The following STYX variants were observed in gnomAD, a reference collection of about 807,000 sequenced individuals.
STYX encodes the protein serine/threonine/tyrosine-interacting protein.
STYX carries 20 observed loss-of-function variants against 42.7 expected under a neutral mutation model. That is an observed-to-expected ratio of 0.47 (90% CI 0.33 to 0.68). STYX has a LOEUF of 0.68. STYX is among the 30% of genes least tolerant of loss of function. The probability of loss-of-function intolerance (pLI) is 0.02; values close to 1 mark genes in which losing one functional copy is unlikely to be tolerated. For synonymous variants in STYX, 78 were observed against 81.9 expected (o/e 0.95, Z 0.26); for missense variants, 226 against 268.5 (o/e 0.84, Z 1.11).
Position 52,735,055 on chromosome 14 carries a change from T to C in STYX, c.57+4524T>C, listed in dbSNP as rs111712435. ...CTGGGAGACAGAGCGAGACTCCATC[T>C]CAAAAAAAAAAAAAGTAATTAAATC... On this transcript the variant is annotated intron_variant, in intron 1 of 10. Coordinates refer to ENST00000354586, the MANE Select transcript of STYX (RefSeq NM_145251.4). 4.2e-3 allele frequency among the ~76,000 whole-genome samples: 595 copies of C among 143,340 alleles called. 4 individuals carry two copies. The highest frequency in any genetic ancestry group is 0.015 in the African/African-American group (568 of 38,230). The allele number at this position is 143,340 out of a possible 152,430, so 94.0% of individuals were successfully genotyped here.
At position 52,746,406 on chromosome 14, in the gene STYX, T is replaced by C. The variant is rs776590464; in HGVS notation, c.91-20T>C. On this transcript the variant is annotated intron_variant, in intron 2 of 10. Transcript: ENST00000354586. ...ATTTAAATTGCTGATGGTAAATACC[T>C]CAAATTTTTTTTTTTCTAGGAAATT... 6.4e-7 allele frequency: 1 copy of C among 1,550,912 alleles called. No individual in the cohort carries two copies. Among genetic ancestry groups the C allele is most frequent in the East Asian group, 2.4e-5 (1 of 40,970 alleles).
intron 4 of STYX, among the ~76,000 whole-genome samples, chr14:52,754,216 C>G (rs771073900): frequency 3.4e-4 from 49 of 146,264 alleles, no homozygotes; most frequent in Non-Finnish European, 5.1e-4. Flanking sequence ...GAAAGAAATA[C>G]TTTTTTTTTT....
chr14:52,747,691 T>C (rs1351718082), intron 3 of STYX, among the ~76,000 whole-genome samples: 1 of 152,250 alleles, frequency 6.6e-6, no homozygotes, highest in Non-Finnish European at 1.5e-5. Flanking sequence ...TTTATAAATA[T>C]ACATACAGTA....
chr14:52,730,670 G>C, intron 1 of STYX, 139 bp downstream of exon 1: 1 of 913,302 alleles, frequency 1.1e-6, no homozygotes, highest in Non-Finnish European at 1.6e-6. Flanking sequence ...CTCTGAAGCC[G>C]AGCGGTCGGC....
intron 9 of STYX, among the ~76,000 whole-genome samples, chr14:52,764,313 C>A (rs2139931809): frequency 6.6e-6 from 1 of 152,166 alleles, no homozygotes; most frequent in African/African-American, 2.4e-5. Context: ...TTTTACCTTG[C>A]AGTTAACCTC....
intron 3 of STYX, among the ~76,000 whole-genome samples, chr14:52,747,250 C>T (rs1045057713): frequency 6.6e-6 from 1 of 152,182 alleles, no homozygotes; most frequent in African/African-American, 2.4e-5. Flanking sequence ...CTAAAAGATT[C>T]AATGCTACTA....
intron 3 of STYX, among the ~76,000 whole-genome samples, chr14:52,748,038 C>T (rs1881461667): frequency 2.0e-5 from 3 of 152,154 alleles, no homozygotes; most frequent in African/African-American, 7.2e-5. Flanking sequence ...TTCTTCAAAA[C>T]TTCTTTTCTT....
rs1594883622 is a variant in STYX, at chr14:52,767,123, T to C, written c.505-1717T>C. Among the ~76,000 whole-genome samples, 4 of 152,294 alleles carry C rather than the reference T, an allele frequency of 2.6e-5. No homozygotes were observed. In the South Asian group the frequency reaches 8.3e-4, roughly 32 times the overall value. On this transcript the variant is annotated intron_variant, in intron 9 of 10. Transcript: ENST00000354586. ...TTTAGAAGGGTGGTCAGAAATGGGC[T>C]TACTGAAAAGTGATATTTGAGCAAA...
At chr14:52,731,844 G>A (rs1880717454) in intron 1 of STYX, 1 of 152,046 alleles carries the variant, frequency 6.6e-6, no homozygotes, top group Non-Finnish European at 1.5e-5. Context: ...GCAAAATGTA[G>A]TGCAGTGGTG....
intron 9 of STYX, among the ~76,000 whole-genome samples, chr14:52,763,443 A>G (rs563915306): frequency 6.6e-6 from 1 of 151,824 alleles, no homozygotes; most frequent in African/African-American, 2.4e-5. Context: ...TGAGTTGAAA[A>G]CTTGGTTTCT....
intron 9 of STYX, among the ~76,000 whole-genome samples, chr14:52,760,124 T>G (rs1230027741): frequency 6.6e-6 from 1 of 152,192 alleles, no homozygotes; most frequent in East Asian, 1.9e-4. Context: ...GAGGATTGCT[T>G]GAGCCCAGGA....
intron 1 of STYX, among the ~76,000 whole-genome samples, chr14:52,737,106 T>C (rs1880985846): frequency 6.6e-6 from 1 of 152,196 alleles, no homozygotes; most frequent in African/African-American, 2.4e-5. Flanking sequence ...TGTTTTATTT[T>C]AGTATTGTGT....
At chr14:52,744,630 A>G (rs941239867) in intron 1 of STYX, among the ~76,000 whole-genome samples, 2 of 142,538 alleles carry the variant, frequency 1.4e-5, no homozygotes, top group African/African-American at 2.5e-5. Context: ...GAAGTAACAT[A>G]ACAATTCTGG....
rs1330019606 is a variant in STYX at position 52,774,790 on chromosome 14, T to C, written c.*3684T>C. 6.6e-6 allele frequency: 1 copy of C among 152,068 alleles called. No individual in the cohort carries two copies. The highest frequency in any genetic ancestry group is 1.5e-5 in the Non-Finnish European group (1 of 68,012). 9.4% of individuals were successfully genotyped at this position (152,068 alleles called of 1,614,324 possible). On this transcript the variant is annotated 3_prime_UTR_variant, in exon 11 of 11. Coordinates refer to ENST00000354586, the MANE Select transcript of STYX (RefSeq NM_145251.4). ...AGCAAAAATGATTCAAGAAGAAAAA[T>C]AACCTACAGTGTCTGTATACCTTTG... is the stretch of plus-strand genomic sequence containing the variant.
At chr14:52,745,166 G>A (rs1881349262) in intron 2 of STYX, among the ~76,000 whole-genome samples, 1 of 150,102 alleles carries the variant, frequency 6.7e-6, no homozygotes, top group Non-Finnish European at 1.5e-5. Context: ...TGTTGCCCAG[G>A]CTAGAGTGCA....
intron 3 of STYX, among the ~76,000 whole-genome samples, chr14:52,748,237 G>A (rs186071165): frequency 2.6e-5 from 4 of 152,166 alleles, no homozygotes; most frequent in Admixed American, 2.6e-4. Flanking sequence ...TTATTATTTT[G>A]TGGGAGAGGA....
At chr14:52,768,686 A>G (rs184892380) in intron 9 of STYX, among the ~76,000 whole-genome samples, 154 bp from the exon 10 acceptor site, 3 of 152,272 alleles carry the variant, frequency 2.0e-5, no homozygotes, top group Non-Finnish European at 2.9e-5. Flanking sequence ...AATTTATGAG[A>G]CAGGAATTTT....
At chr14:52,750,404 A>T (rs188926945) in intron 3 of STYX, among the ~76,000 whole-genome samples, 42 of 152,306 alleles carry the variant, frequency 2.8e-4, no homozygotes, top group Non-Finnish European at 7.4e-5. Flanking sequence ...CCCAGGTGCT[A>T]TGCCAAACAT....
At chr14:52,759,636 T>C in intron 8 of STYX, 46 bp from the exon 9 acceptor site, 1 of 1,291,926 alleles carries the variant, frequency 7.7e-7, no homozygotes, top group Non-Finnish European at 1.1e-6. Flanking sequence ...TTATGATTAA[T>C]TCATTAAATA....
Sources: gnomAD v4.1 joint callset for allele counts (sites outside exome capture counted in the v4.1 genomes callset) on GRCh38, gnomAD v4.1.1 for gene constraint, MANE v1.5 for transcripts, NCBI Gene and HGNC (gene_info 2026-07-23, HGNC 2026-07-21) for gene names.